PCCB: variants seen among roughly 807,000 people sequenced by gnomAD.
PCCB encodes propionyl-CoA carboxylase beta chain, mitochondrial.
Under a neutral mutation model 60.7 loss-of-function variants are expected in PCCB, and 43 were observed. The ratio of observed to expected loss-of-function variants is 0.71; its 90% CI spans 0.55 to 0.91. The LOEUF (loss-of-function observed/expected upper bound fraction) is 0.91, where lower values mean the gene tolerates loss of function less well. PCCB is among the 40% of genes least tolerant of loss of function. PCCB has a pLI of 0.00. For synonymous variants in PCCB, 276 were observed against 255.9 expected, an observed-to-expected ratio of 1.08 and a Z score of -0.75; for missense variants, 766 against 702.8, an observed-to-expected ratio of 1.09 and a Z score of -1.02.
chr3:136,262,181 T>C (rs1339022385), intron 5 of PCCB, 116 bp downstream of exon 5: 9 of 733,796 alleles, frequency 1.2e-5, no homozygotes, highest in Non-Finnish European at 2.2e-5. Flanking sequence ...GTGTCTGTTC[T>C]GTGGGTCCTT....
At chr3:136,263,038 TCTGC>T (rs533363969) in intron 5 of PCCB, among the ~76,000 whole-genome samples, 1,612 of 145,356 alleles carry the variant, frequency 0.011, 12 homozygotes, top group Non-Finnish European at 0.015. Context: ...CACTTCAACC[TCTGC>T]CTCCTGGGCT....
intron 6 of PCCB, among the ~76,000 whole-genome samples, chr3:136,291,373 G>GT (rs1396420479): frequency 6.6e-6 from 1 of 152,086 alleles, no homozygotes; most frequent in Non-Finnish European, 1.5e-5. Context: ...TTCAAACTTT[G>GT]TTTTTTGTCT....
At chr3:136,266,015 C>A (rs1416893326) in intron 5 of PCCB, among the ~76,000 whole-genome samples, 1 of 151,804 alleles carries the variant, frequency 6.6e-6, no homozygotes, top group Non-Finnish European at 1.5e-5. Flanking sequence ...TTAGTAGAGA[C>A]TGGGTTTCAC....
intron 5 of PCCB, among the ~76,000 whole-genome samples, chr3:136,271,698 A>G (rs1355778177): frequency 1.3e-5 from 2 of 152,136 alleles, no homozygotes; most frequent in South Asian, 2.1e-4. Flanking sequence ...TTATTTGTCT[A>G]TATTAATTTT....
intron 9 of PCCB, among the ~76,000 whole-genome samples, chr3:136,301,922 T>G (rs1934301180): frequency 6.6e-6 from 1 of 151,998 alleles, no homozygotes; most frequent in Non-Finnish European, 1.5e-5. Flanking sequence ...TGTTTTTGAG[T>G]GTCCTAGTTG....
intron 6 of PCCB, among the ~76,000 whole-genome samples, chr3:136,287,044 A>G (rs894364788): frequency 6.6e-6 from 1 of 150,818 alleles, no homozygotes; most frequent in African/African-American, 2.5e-5. Context: ...AAAAAAAAAA[A>G]AAATAATAAA....
chr3:136,257,384 G>T (rs974791936), intron 3 of PCCB, among the ~76,000 whole-genome samples: 3 of 152,202 alleles, frequency 2.0e-5, no homozygotes, highest in African/African-American at 7.2e-5. Flanking sequence ...TTCCCCTGGA[G>T]CCTCCAGAAG....
At chr3:136,321,465 C>A (rs1325001776) in intron 10 of PCCB, among the ~76,000 whole-genome samples, 1 of 152,200 alleles carries the variant, frequency 6.6e-6, no homozygotes, top group Non-Finnish European at 1.5e-5. Flanking sequence ...AGGAAACTTA[C>A]AATCATGGTG....
intron 8 of PCCB, among the ~76,000 whole-genome samples, chr3:136,298,287 TTGG>T (rs1239024284): frequency 6.6e-6 from 1 of 152,218 alleles, no homozygotes; most frequent in Non-Finnish European, 1.5e-5. Flanking sequence ...AATGTATATC[TTGG>T]TGGTGAAGAG....
chr3:136,253,664 AT>A (rs35923895), intron 1 of PCCB, among the ~76,000 whole-genome samples: 2,798 of 123,454 alleles, frequency 0.023, 35 homozygotes, highest in East Asian at 0.063. Flanking sequence ...GGATGACAGA[AT>A]TTTTTTTTTT....
At chr3:136,256,951 G>A (rs1456283341) in intron 3 of PCCB, among the ~76,000 whole-genome samples, 5 of 152,174 alleles carry the variant, frequency 3.3e-5, no homozygotes, top group Non-Finnish European at 5.9e-5. Flanking sequence ...AGTGTATGTG[G>A]ACTAGAGAGA....
intron 5 of PCCB, among the ~76,000 whole-genome samples, chr3:136,266,074 C>T (rs965163610): frequency 3.3e-5 from 5 of 151,622 alleles, no homozygotes; most frequent in Non-Finnish European, 7.4e-5. Flanking sequence ...ATCTGCCCAC[C>T]TCAGCCTCCC....
At chr3:136,326,667 G>A (rs187316413) in intron 10 of PCCB, 136 bp from the exon 11 acceptor site, 3 of 748,200 alleles carry the variant, frequency 4.0e-6, no homozygotes, top group South Asian at 1.4e-5. Context: ...AGGGGTCCTT[G>A]TTACCATTCT....
chr3:136,271,826 T>C (rs545697758), intron 5 of PCCB, among the ~76,000 whole-genome samples: 5 of 152,200 alleles, frequency 3.3e-5, no homozygotes, highest in Non-Finnish European at 5.9e-5. Context: ...TTTGACTTCC[T>C]CTTTTCCAAT....
chr3:136,299,767 T>C (rs1934148152), intron 8 of PCCB, among the ~76,000 whole-genome samples: 1 of 150,106 alleles, frequency 6.7e-6, no homozygotes, highest in African/African-American at 2.5e-5. Context: ...TGTGTATGTA[T>C]AGGTATGCAT....
rs373076334 is a variant in PCCB at position 136,288,176 on chromosome 3, T to C, written c.654+4229T>C. 1.6e-4 allele frequency among the ~76,000 whole-genome samples: 24 copies of C among 152,324 alleles called. 1 individual carries two copies. The East Asian group carries it at 4.0e-3, about 26-fold the overall frequency. ...CCTGTTCTTCTAAATTAAGGTATGTTTATGACTCAGAATGTAGTCTATCTT... is the reference window on the plus strand; with the variant it reads ...CCTGTTCTTCTAAATTAAGGTATGTCTATGACTCAGAATGTAGTCTATCTT... On this transcript the variant is annotated intron_variant, in intron 6 of 14. Coordinates refer to ENST00000251654, the MANE Select transcript of PCCB (RefSeq NM_000532.5).
intron 5 of PCCB, among the ~76,000 whole-genome samples, chr3:136,273,817 C>G (rs1245270280): frequency 7.1e-6 from 1 of 140,500 alleles, no homozygotes; most frequent in Non-Finnish European, 1.5e-5. Flanking sequence ...GAGGCTGAGG[C>G]AGGAGAATGG....
At chr3:136,328,912 C>CT in intron 14 of PCCB, 55 bp downstream of exon 14, 1 of 1,362,924 alleles carries the variant, frequency 7.3e-7, no homozygotes, top group Middle Eastern at 1.8e-4. Context: ...CTTGCTCATT[C>CT]TTTCTCTACA....
rs1246550172 is a variant in PCCB at position 136,302,193 on chromosome 3, T to G, written c.966+1082T>G. On this transcript the variant is annotated intron_variant, in intron 9 of 14. Coordinates refer to ENST00000251654, the MANE Select transcript of PCCB (RefSeq NM_000532.5). ...CGGCTCCTGCAAGCTGTGTGCAAAC[T>G]GCTGCAGGAACACTTGCGGAAATAT... 1.6e-5 allele frequency among the ~76,000 whole-genome samples: 2 copies of G among 124,952 alleles called. 1 individual carries two copies. The highest frequency in any genetic ancestry group is 3.6e-5 in the Non-Finnish European group (2 of 55,596). 82.0% of individuals were successfully genotyped at this position (124,952 alleles called of 152,430 possible). A position where few individuals can be genotyped will look rare whatever the true frequency, so the allele number is the denominator to read the frequency against.
Sources: allele counts gnomAD v4.1 joint callset (sites outside exome capture counted in the v4.1 genomes callset), GRCh38; gene constraint gnomAD v4.1.1; transcripts MANE v1.5; gene names NCBI Gene and HGNC (gene_info 2026-07-23, HGNC 2026-07-21).